Variants in CDH13 observed in about 807,000 individuals in gnomAD.
CDH13 encodes cadherin-13.
In CDH13, 24 loss-of-function variants were observed where a neutral mutation model predicts 63.8. That is an observed-to-expected ratio of 0.38 (90% CI 0.27 to 0.53). CDH13 has a LOEUF of 0.53. Ranked by LOEUF, CDH13 falls within the 20% of genes least tolerant of loss-of-function variation. The pLI is 0.85. For missense variants in CDH13, 1,049 were observed against 903.1 expected, an observed-to-expected ratio of 1.16 and a Z score of -2.07; for synonymous variants, 503 against 355.3, an observed-to-expected ratio of 1.42 and a Z score of -4.67.
At chr16:83,270,574 C>G (rs1291424010) in intron 5 of CDH13, among the ~76,000 whole-genome samples, 1 of 152,140 alleles carries the variant, frequency 6.6e-6, no homozygotes, top group East Asian at 1.9e-4. Context: ...GCACGCACAG[C>G]TCACGTGTAG....
intron 4 of CDH13, among the ~76,000 whole-genome samples, chr16:83,144,038 T>A (rs1195121329): frequency 6.6e-6 from 1 of 152,082 alleles, no homozygotes; most frequent in African/African-American, 2.4e-5. Context: ...CTGTTTGTTC[T>A]TGTATGAGAT....
rs747478898 is a variant in CDH13, at chr16:82,627,085, C to G, written c.-8C>G. ...GAAAACGCCGCCGGGCGCTTCTAGT[C>G]GGACAAAATGCAGCCGAGAACTCCG... On this transcript the variant is annotated 5_prime_UTR_variant, in exon 1 of 14. Transcript: ENST00000567109. 1.3e-6 allele frequency: 2 copies of G among 1,599,248 alleles called. No homozygotes were observed. Among genetic ancestry groups the G allele is most frequent in the East Asian group, 2.3e-5 (1 of 44,212 alleles).
intron 6 of CDH13, among the ~76,000 whole-genome samples, chr16:83,413,474 A>G (rs917508417): frequency 3.9e-5 from 6 of 152,234 alleles, no homozygotes; most frequent in African/African-American, 1.4e-4. Flanking sequence ...TTTGCTGAGC[A>G]TTCTTCATAA....
chr16:83,671,033 G>A (rs1206401457), intron 9 of CDH13, 61 bp downstream of exon 9: 1 of 1,385,010 alleles, frequency 7.2e-7, no homozygotes, highest in Non-Finnish European at 9.8e-7. Context: ...CCATGAGGCA[G>A]CTCATAGAAT....
At chr16:82,955,406 T>G (rs1239660580) in intron 2 of CDH13, among the ~76,000 whole-genome samples, 1 of 152,246 alleles carries the variant, frequency 6.6e-6, no homozygotes, top group Non-Finnish European at 1.5e-5. Flanking sequence ...TACTTGCTTT[T>G]TACTTATAAA....
At chr16:82,700,657 T>G (rs934209418) in intron 1 of CDH13, among the ~76,000 whole-genome samples, 1 of 152,078 alleles carries the variant, frequency 6.6e-6, no homozygotes, top group Non-Finnish European at 1.5e-5. Context: ...GTCCTAGAAT[T>G]TCAAAAACAG....
At chr16:83,306,908 C>G (rs763701955) in intron 5 of CDH13, among the ~76,000 whole-genome samples, 18 of 152,150 alleles carry the variant, frequency 1.2e-4, no homozygotes, top group Non-Finnish European at 2.5e-4. Context: ...GACAATCAGA[C>G]CTATCCGTAA....
intron 3 of CDH13, among the ~76,000 whole-genome samples, chr16:83,120,072 C>T (rs921458821): frequency 2.6e-5 from 4 of 152,010 alleles, no homozygotes; most frequent in Non-Finnish European, 5.9e-5. Flanking sequence ...CGTGACGGGC[C>T]CAGAGAGTCG....
intron 7 of CDH13, among the ~76,000 whole-genome samples, chr16:83,493,729 A>G (rs952634521): frequency 1.3e-5 from 2 of 152,252 alleles, no homozygotes; most frequent in Non-Finnish European, 2.9e-5. Context: ...GCTATATCCT[A>G]CTGTAAATGG....
chr16:82,836,002 C>G (rs577248911), intron 1 of CDH13, among the ~76,000 whole-genome samples: 1 of 152,358 alleles, frequency 6.6e-6, no homozygotes, highest in African/African-American at 2.4e-5. Context: ...ATGATTCACT[C>G]ACAGCATGTG....
intron 6 of CDH13, among the ~76,000 whole-genome samples, chr16:83,418,414 T>C (rs541176506): frequency 1.3e-5 from 2 of 152,292 alleles, no homozygotes; most frequent in East Asian, 1.9e-4. Context: ...AAAAAAGATA[T>C]AGTAGTCTTG....
At chr16:82,692,630 C>T (rs1816973149) in intron 1 of CDH13, among the ~76,000 whole-genome samples, 2 of 152,190 alleles carry the variant, frequency 1.3e-5, no homozygotes, top group Admixed American at 1.3e-4. Flanking sequence ...GGGAGCCCAG[C>T]CAGACCACAT....
chr16:83,075,758 C>A (rs1379014683), intron 3 of CDH13, among the ~76,000 whole-genome samples: 2 of 152,136 alleles, frequency 1.3e-5, no homozygotes, highest in South Asian at 2.1e-4. Flanking sequence ...TTGACTTGTG[C>A]TTTGTGATCA....
At chr16:82,741,061 C>G (rs1191484037) in intron 1 of CDH13, among the ~76,000 whole-genome samples, 1 of 152,132 alleles carries the variant, frequency 6.6e-6, no homozygotes, top group African/African-American at 2.4e-5. Context: ...TACTCTCTCA[C>G]TCTCACTCTC....
chr16:82,648,070 C>G (rs1348422625), intron 1 of CDH13, among the ~76,000 whole-genome samples: 4 of 152,202 alleles, frequency 2.6e-5, no homozygotes, highest in Non-Finnish European at 5.9e-5. Context: ...CCTCCTTCGT[C>G]TTCCACTGTG....
At chr16:82,756,014 C>G (rs959720147) in intron 1 of CDH13, among the ~76,000 whole-genome samples, 11 of 152,144 alleles carry the variant, frequency 7.2e-5, no homozygotes, top group African/African-American at 2.4e-4. Flanking sequence ...GAGTGAAATA[C>G]TTGAGTAGGG....
intron 9 of CDH13, among the ~76,000 whole-genome samples, chr16:83,673,718 A>T (rs1412638817): frequency 6.6e-6 from 1 of 152,234 alleles, no homozygotes; most frequent in Non-Finnish European, 1.5e-5. Context: ...GTTAGTTAAA[A>T]TGCAGATTTC....
At chr16:83,014,560 C>G (rs1914495365) in intron 2 of CDH13, among the ~76,000 whole-genome samples, 1 of 149,870 alleles carries the variant, frequency 6.7e-6, no homozygotes, top group African/African-American at 2.5e-5. Flanking sequence ...ATGGTGAAAC[C>G]CTGTCTCTAC....
intron 7 of CDH13, among the ~76,000 whole-genome samples, chr16:83,565,552 G>A (rs1033611564): frequency 2.0e-5 from 3 of 151,994 alleles, no homozygotes; most frequent in African/African-American, 7.3e-5. Flanking sequence ...GGAACTCCCT[G>A]AGAGGAAGGA....
Sources: gnomAD v4.1 joint callset for allele counts (sites outside exome capture counted in the v4.1 genomes callset) on GRCh38, gnomAD v4.1.1 for gene constraint, MANE v1.5 for transcripts, NCBI Gene and HGNC (gene_info 2026-07-23, HGNC 2026-07-21) for gene names.